Variants in LRRIQ3 observed in about 807,000 individuals in gnomAD.
LRRIQ3 encodes the protein leucine rich repeats and IQ motif containing 3.
In LRRIQ3, 75 loss-of-function variants were observed where a neutral mutation model predicts 59.3. That is an observed-to-expected ratio of 1.26 (90% CI 1.05 to 1.53). The LOEUF is 1.53. LRRIQ3 is among the 40% of genes most tolerant of loss of function. The probability of loss-of-function intolerance (pLI) is 0.00; values close to 1 mark genes in which losing one functional copy is unlikely to be tolerated. For missense variants in LRRIQ3, 831 were observed against 710.0 expected, an observed-to-expected ratio of 1.17 and a Z score of -1.94; for synonymous variants, 250 against 231.3, an observed-to-expected ratio of 1.08 and a Z score of -0.73.
chr1:74,117,641 C>T (rs1411689890), intron 4 of LRRIQ3, among the ~76,000 whole-genome samples: 1 of 152,014 alleles, frequency 6.6e-6, no homozygotes, highest in African/African-American at 2.4e-5. Flanking sequence ...TGATGCACAC[C>T]TGTAATCCCA....
Position 74,179,271 on chromosome 1 carries a change from C to T in LRRIQ3, c.573+3267G>A, listed in dbSNP as rs116134793. The stretch of plus-strand genomic sequence containing the variant: ...GTATAGCAAAGAAGAACCCATGCTT[C>T]CTCGTTTTTTTCTGACTCAAAAAAT... On this transcript the variant is annotated intron_variant, in intron 3 of 7. Transcript: ENST00000354431. 8.7e-3 allele frequency among the ~76,000 whole-genome samples: 1,328 copies of T among 151,942 alleles called. 23 individuals are homozygous for T. Among genetic ancestry groups the T allele is most frequent in the African/African-American group, 0.03 (1,245 of 41,476 alleles).
At chr1:74,181,933 T>C (rs890194297) in intron 3 of LRRIQ3, 3 of 151,834 alleles carry the variant, frequency 2.0e-5, no homozygotes, top group Admixed American at 1.3e-4. Context: ...CTGCAACTTA[T>C]TGTTACTATA....
intron 3 of LRRIQ3, among the ~76,000 whole-genome samples, chr1:74,160,171 C>T (rs1240500417): frequency 6.6e-6 from 1 of 152,002 alleles, no homozygotes; most frequent in Non-Finnish European, 1.5e-5. Flanking sequence ...CTATTTTAAT[C>T]CCGTTTTTGT....
intron 4 of LRRIQ3, among the ~76,000 whole-genome samples, chr1:74,147,265 A>G (rs1647636953): frequency 6.6e-6 from 1 of 152,142 alleles, no homozygotes; most frequent in African/African-American, 2.4e-5. Context: ...AAAAATTAAA[A>G]AGCAAATTTA....
intron 6 of LRRIQ3, among the ~76,000 whole-genome samples, chr1:74,068,965 C>T (rs1047783883): frequency 1.3e-4 from 19 of 151,950 alleles, no homozygotes; most frequent in African/African-American, 4.1e-4. Context: ...CATAAAATCA[C>T]CTTTAGAGTA....
Position 74,026,863 on chromosome 1 carries a change from T to C in LRRIQ3, c.1825A>G (p.Ile609Val), listed in dbSNP as rs1569984878. The C allele has an allele frequency of 6.2e-7, 1 of 1,608,940 alleles. No homozygotes were observed. Among genetic ancestry groups the C allele is most frequent in the Non-Finnish European group, 8.5e-7 (1 of 1,177,700 alleles). ...TTAAAGTCTAAATTTGTTTTCACAA[T>C]TGCTACTTTTGTTTTAGCATCTTGA... ...RLQDAKTKVA[I>V]VKTNLDFKVP... is the part of the protein sequence containing the mutation. Residue 609 changes from isoleucine to valine, a missense_variant, in exon 8 of 8, where the codon ATT (isoleucine) becomes GTT (valine). Physicochemically the swap from Ile to Val is conservative, Grantham distance 29. Coordinates refer to ENST00000354431, the MANE Select transcript of LRRIQ3 (RefSeq NM_001105659.2).
chr1:74,029,801 G>T (rs1204642601), intron 7 of LRRIQ3, among the ~76,000 whole-genome samples: 1 of 152,040 alleles, frequency 6.6e-6, no homozygotes, highest in Non-Finnish European at 1.5e-5. Context: ...ACCTCTGGTA[G>T]AATTCGGCTG....
intron 5 of LRRIQ3, among the ~76,000 whole-genome samples, chr1:74,090,710 G>C (rs991952957): frequency 6.6e-6 from 1 of 151,384 alleles, no homozygotes; most frequent in Admixed American, 6.6e-5. Context: ...CAACAACCTT[G>C]TCTCTAAAAA....
chr1:74,145,680 T>A (rs753278725), intron 4 of LRRIQ3, among the ~76,000 whole-genome samples: 4 of 152,098 alleles, frequency 2.6e-5, no homozygotes, highest in Non-Finnish European at 4.4e-5. Context: ...TGTAAAATAT[T>A]CCACCACTAA....
Position 74,109,503 on chromosome 1 carries a change from T to C in LRRIQ3, c.758A>G (p.Tyr253Cys). Residue 253 changes from tyrosine to cysteine, a missense_variant, in exon 5 of 8, where the codon TAT becomes TGT. Tyr to Cys is a radical substitution (Grantham distance 194). Coordinates refer to ENST00000354431, the MANE Select transcript of LRRIQ3 (RefSeq NM_001105659.2). ...KKQQEKIIRG[Y>C]EAKWIYITKG... ...GGTTATGTAAATCCATTTTGCTTCA[T>C]ATCCTCTAATAATTTTTTCCTGCTG... 1.9e-6 allele frequency: 3 copies of C among 1,567,230 alleles called. No individual in the cohort carries two copies. The highest frequency in any genetic ancestry group is 2.6e-6 in the Non-Finnish European group (3 of 1,161,734).
intron 4 of LRRIQ3, among the ~76,000 whole-genome samples, chr1:74,138,164 A>AAAC (rs201676750): frequency 2.5e-3 from 81 of 32,748 alleles, no homozygotes; most frequent in Middle Eastern, 0.083. Flanking sequence ...ACAAACAAAC[A>AAAC]AAAAAAAAAA....
At position 74,035,617 on chromosome 1, in the gene LRRIQ3, A is replaced by G. The variant is rs144293001; in HGVS notation, c.1718+5596T>C. 7.3e-3 allele frequency among the ~76,000 whole-genome samples: 1,105 copies of G among 152,240 alleles called. 14 individuals carry two copies. The highest frequency in any genetic ancestry group is 0.026 in the African/African-American group (1,068 of 41,562). On this transcript the variant is annotated intron_variant, in intron 7 of 7. Coordinates refer to ENST00000354431, the MANE Select transcript of LRRIQ3 (RefSeq NM_001105659.2). ...TGTGCCCTAAGAATTATTTTCTGAG[A>G]TATTTCTTGAAAGGAAAGTTTTATG... is the stretch of plus-strand genomic sequence containing the variant.
At chr1:74,128,293 AT>A (rs1289982291) in intron 4 of LRRIQ3, among the ~76,000 whole-genome samples, 3 of 151,678 alleles carry the variant, frequency 2.0e-5, no homozygotes, top group Non-Finnish European at 2.9e-5. Context: ...TTTTTATCTC[AT>A]TTTTTTGTCT....
At chr1:74,164,737 C>T (rs1038570081) in intron 3 of LRRIQ3, among the ~76,000 whole-genome samples, 4 of 151,604 alleles carry the variant, frequency 2.6e-5, no homozygotes, top group African/African-American at 7.2e-5. Context: ...AGAATTCTGT[C>T]TAGTCCTAGA....
chr1:74,132,037 T>A (rs186038383), intron 4 of LRRIQ3, among the ~76,000 whole-genome samples: 1 of 152,250 alleles, frequency 6.6e-6, no homozygotes, highest in African/African-American at 2.4e-5. Flanking sequence ...AGTCTCAGGA[T>A]ACAAAATCAA....
Position 74,041,614 on chromosome 1 carries a change from T to A in LRRIQ3, c.1317A>T (p.Lys439Asn). 1 of 1,613,828 alleles carries A rather than the reference T, an allele frequency of 6.2e-7. No homozygotes were observed. Among genetic ancestry groups the A allele is most frequent in the African/African-American group, 1.3e-5 (1 of 75,038 alleles). The change falls in exon 7 of 8, where the codon AAA becomes AAT. Residue 439 changes from lysine (K) to asparagine (N), a missense_variant. Transcript: ENST00000354431. ...EQKKQEYHKE[K>N]VRVVAMAQVA... ...CTTGTGCCATGGCTACAACTCTTAC[T>A]TTTTCTTTATGGTATTCCTGCTTCT... is the stretch of plus-strand genomic sequence containing the variant.
chr1:74,169,761 G>A (rs1351774464), intron 3 of LRRIQ3, among the ~76,000 whole-genome samples: 1 of 151,938 alleles, frequency 6.6e-6, no homozygotes, highest in Non-Finnish European at 1.5e-5. Context: ...TGTTGTCCAG[G>A]TTAGTCTTGA....
chr1:74,171,236 A>G (rs1649303894), intron 3 of LRRIQ3, among the ~76,000 whole-genome samples: 1 of 152,140 alleles, frequency 6.6e-6, no homozygotes, highest in African/African-American at 2.4e-5. Context: ...AGGAAAAAAA[A>G]CTTAAAAGTT....
chr1:74,027,374 G>A (rs1000803120), intron 7 of LRRIQ3, among the ~76,000 whole-genome samples: 2 of 152,042 alleles, frequency 1.3e-5, no homozygotes, highest in African/African-American at 2.4e-5. Flanking sequence ...TGGAGATAAG[G>A]CCTTTAAGAA....
Sources: allele counts gnomAD v4.1 joint callset (sites outside exome capture counted in the v4.1 genomes callset), GRCh38; gene constraint gnomAD v4.1.1; transcripts MANE v1.5; gene names NCBI Gene and HGNC (gene_info 2026-07-23, HGNC 2026-07-21).